FER1L5: variants seen among roughly 807,000 people sequenced by gnomAD.
FER1L5 encodes fer-1-like protein 5.
Under a neutral mutation model 279.9 loss-of-function variants are expected in FER1L5, and 187 were observed. That is an observed-to-expected ratio of 0.67 (90% CI 0.59 to 0.75). The LOEUF is 0.75. Ranked by LOEUF, FER1L5 falls within the 30% of genes least tolerant of loss-of-function variation. The pLI is 0.00. For missense variants in FER1L5, 2,091 were observed against 2,594.4 expected, an observed-to-expected ratio of 0.81 and a Z score of 4.21; for synonymous variants, 921 against 989.7, an observed-to-expected ratio of 0.93 and a Z score of 1.30.
At chr2:96,660,223 GAGTT>G in intron 9 of FER1L5, 114 bp from the exon 10 acceptor site, 1 of 976,784 alleles carries the variant, frequency 1.0e-6, no homozygotes, top group South Asian at 1.4e-5. Flanking sequence ...AAGATGAAAG[GAGTT>G]AGGGCAGAGA....
chr2:96,683,518 T>A (rs2076808014), intron 19 of FER1L5, among the ~76,000 whole-genome samples: 1 of 129,348 alleles, frequency 7.7e-6, no homozygotes, highest in African/African-American at 2.8e-5. Context: ...CCCGCCCAAA[T>A]AAGGCCAGAT....
chr2:96,654,417 T>C (rs2075510629), intron 8 of FER1L5, 29 bp from the exon 9 acceptor site: 1 of 398,860 alleles, frequency 2.5e-6, no homozygotes, highest in African/African-American at 2.1e-5. Flanking sequence ...TTGTGAATAA[T>C]TAAAATATTT....
intron 14 of FER1L5, among the ~76,000 whole-genome samples, chr2:96,666,317 A>T (rs2076125211): frequency 6.6e-6 from 1 of 150,838 alleles, no homozygotes; most frequent in Admixed American, 6.6e-5. Flanking sequence ...ATAAATCTGA[A>T]CTTGGAGGAC....
At position 96,663,581 on chromosome 2, in the gene FER1L5, G is replaced by A. The variant is rs982811943; in HGVS notation, c.1140+74G>A. On this transcript the variant is annotated intron_variant, in intron 14 of 52. Coordinates refer to ENST00000624922, the MANE Select transcript of FER1L5 (RefSeq NM_001293083.2). ...GAAGGGAAGTTTGGATGATTGTGTG[G>A]GGGTGAAGACAGAGGGTGGGGGCCA... 6.6e-6 allele frequency: 10 copies of A among 1,512,462 alleles called. No individual in the cohort carries two copies. The Admixed American group carries it at 1.6e-4, about 24-fold the overall frequency. The allele number at this position is 1,512,462 out of a possible 1,614,324, so 93.7% of individuals were successfully genotyped here. A position where few individuals can be genotyped will look rare whatever the true frequency, so the allele number is the denominator to read the frequency against.
At chr2:96,659,315 T>TC (rs1558852813) in intron 9 of FER1L5, among the ~76,000 whole-genome samples, 9 of 57,640 alleles carry the variant, frequency 1.6e-4, no homozygotes, top group African/African-American at 5.0e-4. Context: ...CCTTCCTTCC[T>TC]TCCTTCCTTC....
intron 10 of FER1L5, 28 bp from the exon 11 acceptor site, chr2:96,661,297 A>C (rs748527245): frequency 6.9e-7 from 1 of 1,455,082 alleles, no homozygotes; most frequent in Middle Eastern, 1.7e-4. Context: ...CTGCAGGCAG[A>C]TCTCCCATGG....
chr2:96,697,791 T>A (rs2077438727), intron 39 of FER1L5, 30 bp downstream of exon 39: 3 of 1,609,330 alleles, frequency 1.9e-6, no homozygotes, highest in African/African-American at 2.7e-5. Context: ...TGGGATGGAA[T>A]CAAATCTCCC....
chr2:96,674,859 C>T (rs1035351287), intron 19 of FER1L5, among the ~76,000 whole-genome samples: 2 of 152,070 alleles, frequency 1.3e-5, no homozygotes, highest in Non-Finnish European at 2.9e-5. Context: ...GAACTCACCA[C>T]CCAGCTTAAA....
chr2:96,702,845 C>T lies in FER1L5; in HGVS notation c.5397+104C>T, dbSNP rs2077640235. The stretch of plus-strand genomic sequence containing the variant: ...CAGAGGCTTGCAATCTGTCCCAGAA[C>T]ATCAGAAACATGTCCTCAGGTGGAA... On this transcript the variant is annotated intron_variant, in intron 48 of 52. Transcript: ENST00000624922. This position sits in a 1 kb window ranked among gnomAD's most constrained non-coding sequence, Gnocchi z 4.0. 5.2e-6 allele frequency: 8 copies of T among 1,539,660 alleles called. No individual in the cohort carries two copies. The highest frequency in any genetic ancestry group is 1.4e-5 in the African/African-American group (1 of 73,020).
intron 18 of FER1L5, 96 bp from the exon 19 acceptor site, chr2:96,672,981 T>C: frequency 1.4e-6 from 2 of 1,429,390 alleles, no homozygotes; most frequent in Non-Finnish European, 1.9e-6. Flanking sequence ...GAAGATGGCT[T>C]TGAAAGAAAG....
In FER1L5 at chr2:96,702,597, C is replaced by T. The variant is rs1243469202; in HGVS notation, c.5256-3C>T. 2 of 1,566,190 alleles carry T rather than the reference C, an allele frequency of 1.3e-6. No individual in the cohort carries two copies. The highest frequency in any genetic ancestry group is 1.4e-5 in the African/African-American group (1 of 73,744). Reference sequence around the variant, plus strand: ...GCCACAGGTGATAGGACTCTGGCCCCAGGTGGTTATACGGGCTGGAGAAGG... The same window carrying T: ...GCCACAGGTGATAGGACTCTGGCCCTAGGTGGTTATACGGGCTGGAGAAGG... On this transcript the variant is annotated splice_region_variant and splice_polypyrimidine_tract_variant and intron_variant, in intron 47 of 52. Transcript: ENST00000624922. The surrounding 1 kb of genome is among the most constrained non-coding windows in gnomAD (Gnocchi z 4.0).
At position 96,689,737 on chromosome 2, in the gene FER1L5, C is replaced by T. The variant is rs547138135; in HGVS notation, c.2619C>T (p.Ala873=). 30 of 1,550,138 alleles carry T rather than the reference C, an allele frequency of 1.9e-5. No individual in the cohort carries two copies. The highest frequency in any genetic ancestry group is 9.5e-5 in the South Asian group (8 of 83,984). The change falls in exon 26 of 53, where the codon GCC becomes GCT. Residue 873 remains alanine, a synonymous_variant. Coordinates refer to ENST00000624922, the MANE Select transcript of FER1L5 (RefSeq NM_001293083.2). The surrounding 1 kb of genome is among the most constrained non-coding windows in gnomAD (Gnocchi z 4.6). ...GRDTRGAWGP[A]AIPNTDVNGQ... ...ACACCAGAGGGGCCTGGGGGCCTGC[C>T]GCCATCCCAAACACAGACGTGGTGA... is the stretch of plus-strand genomic sequence containing the variant.
intron 42 of FER1L5, 119 bp downstream of exon 42, chr2:96,699,255 C>T (rs1324562728): frequency 2.4e-5 from 25 of 1,034,736 alleles, no homozygotes; most frequent in African/African-American, 9.5e-5. Flanking sequence ...CCCACCACAG[C>T]GTCTTACATG....
At chr2:96,664,396 G>A (rs533151777) in intron 14 of FER1L5, among the ~76,000 whole-genome samples, 1 of 152,072 alleles carries the variant, frequency 6.6e-6, no homozygotes, top group East Asian at 1.9e-4. Context: ...CTGTTACTAC[G>A]TATTAGCTTG....
rs909151626 is a variant in FER1L5, at chr2:96,698,195, G to T, written c.4356+39G>T. The T allele has an allele frequency of 6.5e-7, 1 of 1,540,090 alleles. No individual in the cohort carries two copies. The highest frequency in any genetic ancestry group is 1.4e-5 in the African/African-American group (1 of 72,708). On this transcript the variant is annotated intron_variant, in intron 40 of 52. Coordinates refer to ENST00000624922, the MANE Select transcript of FER1L5 (RefSeq NM_001293083.2). This position sits in a 1 kb window ranked among gnomAD's most constrained non-coding sequence, Gnocchi z 5.5. Reference sequence around the variant, plus strand: ...CCAGCTTAGCTGCCCCTGTCTCCTTGTGCACCTTCTGTCCCTGGAAAACGA... The same window carrying T: ...CCAGCTTAGCTGCCCCTGTCTCCTTTTGCACCTTCTGTCCCTGGAAAACGA...
At chr2:96,682,305 T>C in intron 19 of FER1L5, among the ~76,000 whole-genome samples, 1 of 152,318 alleles carries the variant, frequency 6.6e-6, no homozygotes, top group South Asian at 2.1e-4. Context: ...TTGGCCAGGC[T>C]GGTCTCAAAC....
intron 20 of FER1L5, 99 bp downstream of exon 20, chr2:96,684,550 A>G (rs1352035976): frequency 2.7e-6 from 4 of 1,463,358 alleles, no homozygotes; most frequent in Non-Finnish European, 2.7e-6. Context: ...CTGGTCACAC[A>G]GCTCATTCAT....
At chr2:96,685,833 C>T in intron 21 of FER1L5, 107 bp from the exon 22 acceptor site, 1 of 1,345,194 alleles carries the variant, frequency 7.4e-7, no homozygotes, top group Non-Finnish European at 1.0e-6. Context: ...CAGATGGGGG[C>T]AGGATCTTGA....
Position 96,686,855 on chromosome 2 carries a change from CAA to C in FER1L5, c.2229+528_2229+529del, listed in dbSNP as rs58724485. Among the ~76,000 whole-genome samples the C allele has an allele frequency of 9.7e-3, 398 of 41,140 alleles. 2 individuals carry two copies. The highest frequency in any genetic ancestry group is 0.029 in the African/African-American group (349 of 11,954). 27.0% of individuals were successfully genotyped at this position (41,140 alleles called of 152,430 possible). On this transcript the variant is annotated intron_variant, in intron 23 of 52. Coordinates refer to ENST00000624922, the MANE Select transcript of FER1L5 (RefSeq NM_001293083.2). ...TGGGTGACAGAGCGAGACTCCGTCT[CAA>C]AAAAAAAAAAAAAAAAAAAAAACAG...
Sources: gnomAD v4.1 joint callset for allele counts (sites outside exome capture counted in the v4.1 genomes callset) on GRCh38, gnomAD v4.1.1 for gene constraint, Gnocchi (gnomAD v3.1) non-coding constraint, MANE v1.5 for transcripts, NCBI Gene and HGNC (gene_info 2026-07-23, HGNC 2026-07-21) for gene names.